The following ANKS1B variants were observed in gnomAD, a reference collection of about 807,000 sequenced individuals.
ANKS1B encodes the protein ankyrin repeat and sterile alpha motif domain-containing protein 1B.
In ANKS1B, 36 loss-of-function variants were observed where a neutral mutation model predicts 148.3. The observed-to-expected ratio is 0.24, with a 90% CI of 0.19 to 0.32. The LOEUF is 0.32. ANKS1B is among the 10% of genes least tolerant of loss of function. The probability of loss-of-function intolerance (pLI) is 1.00; values close to 1 mark genes in which losing one functional copy is unlikely to be tolerated. For missense variants in ANKS1B, 1,157 were observed against 1,542.6 expected (o/e 0.75, Z 4.19); for synonymous variants, 542 against 560.8 (o/e 0.97, Z 0.47).
intron 17 of ANKS1B, among the ~76,000 whole-genome samples, chr12:98,920,790 G>T (rs1466804153): frequency 6.6e-6 from 1 of 152,168 alleles, no homozygotes; most frequent in South Asian, 2.1e-4. Context: ...GACTTGCAAT[G>T]AAATCTCCTT....
rs145545916 is a variant in ANKS1B, at chr12:99,934,926, C to T, written c.134+49178G>A. ...ATGTGAAAACCAAAAAGAATGATTG[C>T]CTTTGGGTCAGAGGACTGGGGGACT... On this transcript the variant is annotated intron_variant, in intron 1 of 26. Transcript: ENST00000683438. Among the ~76,000 whole-genome samples the T allele has an allele frequency of 2.9e-3, 448 of 152,084 alleles. 6 individuals are homozygous for T. The highest frequency in any genetic ancestry group is 0.028 in the South Asian group (135 of 4,816).
intron 14 of ANKS1B, among the ~76,000 whole-genome samples, chr12:99,212,324 T>G (rs892694181): frequency 1.3e-5 from 2 of 151,128 alleles, no homozygotes; most frequent in Non-Finnish European, 2.9e-5. Flanking sequence ...CTATAATTTT[T>G]TTCGTACTTT....
At chr12:99,088,048 G>A (rs1160695620) in intron 15 of ANKS1B, among the ~76,000 whole-genome samples, 2 of 152,150 alleles carry the variant, frequency 1.3e-5, no homozygotes, top group African/African-American at 4.8e-5. Context: ...TAGGATAATT[G>A]CCAAACATTT....
rs561356247 is a variant in ANKS1B, at chr12:98,924,733, C to T, written c.2779-92597G>A. On this transcript the variant is annotated intron_variant, in intron 17 of 26. Transcript: ENST00000683438. ...TCCTTCTGTCAGAAAGCCTTAAGTA[C>T]GTTTGGAAAATAATTCAGAATCAAG... Among the ~76,000 whole-genome samples, 26 of 152,236 alleles carry T rather than the reference C, an allele frequency of 1.7e-4. No individual in the cohort carries two copies. The Middle Eastern group carries it at 0.01, about 60-fold the overall frequency.
intron 16 of ANKS1B, among the ~76,000 whole-genome samples, chr12:99,066,803 T>G (rs1170608158): frequency 6.6e-6 from 1 of 152,162 alleles, no homozygotes; most frequent in Non-Finnish European, 1.5e-5. Context: ...CAAAATAAAA[T>G]CATCCTTGTT....
chr12:99,089,559 C>G (rs2053342762), intron 15 of ANKS1B, among the ~76,000 whole-genome samples: 1 of 152,136 alleles, frequency 6.6e-6, no homozygotes. Context: ...GACATTGAAA[C>G]TTTAGTCAAA....
intron 17 of ANKS1B, among the ~76,000 whole-genome samples, chr12:99,031,511 A>T (rs376621808): frequency 6.6e-6 from 1 of 152,174 alleles, no homozygotes; most frequent in East Asian, 1.9e-4. Context: ...GCTGTGTGAC[A>T]TGGTCTGGCC....
chr12:99,673,896 T>G (rs1296375736), intron 8 of ANKS1B, among the ~76,000 whole-genome samples: 1 of 151,654 alleles, frequency 6.6e-6, no homozygotes, highest in Non-Finnish European at 1.5e-5. Flanking sequence ...AGCTCAAAAT[T>G]ATAATTTAGA....
At chr12:99,572,716 T>C (rs2097472493) in intron 9 of ANKS1B, among the ~76,000 whole-genome samples, 1 of 152,010 alleles carries the variant, frequency 6.6e-6, no homozygotes. Context: ...AAAATTCAGG[T>C]AGTAAGCCTA....
intron 12 of ANKS1B, among the ~76,000 whole-genome samples, chr12:99,392,744 T>G (rs2094117074): frequency 1.3e-5 from 2 of 152,142 alleles, no homozygotes; most frequent in Non-Finnish European, 2.9e-5. Flanking sequence ...ATAAATTCAC[T>G]CACAATAGGC....
At chr12:99,116,221 C>G (rs1013086573) in intron 15 of ANKS1B, among the ~76,000 whole-genome samples, 4 of 152,148 alleles carry the variant, frequency 2.6e-5, no homozygotes, top group African/African-American at 4.8e-5. Context: ...TGGCTAGTCC[C>G]TGGTCTGAGA....
At position 99,154,346 on chromosome 12, in the gene ANKS1B, C is replaced by G; in HGVS notation, c.2469G>C (p.Gly823=). The change falls in exon 15 of 27, where the codon GGG becomes GGC. Residue 823 remains glycine, a synonymous_variant. Coordinates refer to ENST00000683438, the MANE Select transcript of ANKS1B (RefSeq NM_001352186.2). The stretch of plus-strand genomic sequence containing the variant: ...TCAGGTGGTTCTCGTACTGAGGTAG[C>G]CCAATGCTTTCCAACCATTGTCCCA... ...QTVGQWLESI[G]LPQYENHLMA... 1 of 1,613,740 alleles carries G rather than the reference C, an allele frequency of 6.2e-7. No individual in the cohort carries two copies. The highest frequency in any genetic ancestry group is 8.5e-7 in the Non-Finnish European group (1 of 1,179,720).
At chr12:98,756,195 C>T (rs1197952215) in intron 25 of ANKS1B, among the ~76,000 whole-genome samples, 1 of 152,064 alleles carries the variant, frequency 6.6e-6, no homozygotes, top group Non-Finnish European at 1.5e-5. Context: ...GTGAGAGGGA[C>T]CTGGTGGGAG....
chr12:99,920,443 A>G (rs1487482383), intron 1 of ANKS1B, among the ~76,000 whole-genome samples: 1 of 152,034 alleles, frequency 6.6e-6, no homozygotes, highest in Non-Finnish European at 1.5e-5. Flanking sequence ...TATAATCAAG[A>G]GTCTAGGAAA....
At chr12:99,347,517 TACAC>T (rs753524640) in intron 12 of ANKS1B, among the ~76,000 whole-genome samples, 12 of 152,022 alleles carry the variant, frequency 7.9e-5, no homozygotes, top group Non-Finnish European at 1.5e-4. Flanking sequence ...TGCCCCAACA[TACAC>T]ACAGAGCCCA....
intron 17 of ANKS1B, among the ~76,000 whole-genome samples, chr12:99,015,026 C>G (rs918278950): frequency 1.3e-5 from 2 of 152,228 alleles, no homozygotes; most frequent in South Asian, 4.2e-4. Context: ...GTTATATACC[C>G]AAAGGAATAT....
intron 1 of ANKS1B, among the ~76,000 whole-genome samples, chr12:99,941,872 T>C (rs988703518): frequency 6.6e-6 from 1 of 152,138 alleles, no homozygotes; most frequent in Non-Finnish European, 1.5e-5. Flanking sequence ...GGCATCACCA[T>C]GCAGAGAATG....
chr12:99,729,331 T>A (rs1405433174), intron 8 of ANKS1B, among the ~76,000 whole-genome samples: 1 of 152,200 alleles, frequency 6.6e-6, no homozygotes, highest in Non-Finnish European at 1.5e-5. Context: ...TGTTCCTCTG[T>A]AAGTAATGAA....
At chr12:98,827,856 T>C (rs576602249) in intron 19 of ANKS1B, among the ~76,000 whole-genome samples, 4 of 152,132 alleles carry the variant, frequency 2.6e-5, no homozygotes, top group Admixed American at 6.5e-5. Flanking sequence ...TGGCTCAAAG[T>C]TAAAACAAAC....
Sources: allele counts gnomAD v4.1 joint callset (sites outside exome capture counted in the v4.1 genomes callset), GRCh38; gene constraint gnomAD v4.1.1; transcripts MANE v1.5; gene names NCBI Gene and HGNC (gene_info 2026-07-23, HGNC 2026-07-21).